EPHB1: variants seen among roughly 807,000 people sequenced by gnomAD.
EPHB1 encodes EPH receptor B1.
A neutral mutation model predicts 94.4 loss-of-function variants in EPHB1; 30 were observed. The ratio of observed to expected loss-of-function variants is 0.32; its 90% confidence interval spans 0.24 to 0.43. The LOEUF (loss-of-function observed/expected upper bound fraction) is 0.43, where lower values mean the gene tolerates loss of function less well. EPHB1 is among the 20% of genes least tolerant of loss of function. The pLI, the probability that EPHB1 is intolerant of heterozygous loss-of-function variation, is 1.00. For synonymous variants in EPHB1, 522 were observed against 489.1 expected (o/e 1.07, Z -0.89); for missense variants, 1,055 against 1,308.3 (o/e 0.81, Z 2.99).
chr3:134,798,535 A>C (rs73227034), intron 1 of EPHB1, among the ~76,000 whole-genome samples: 14,219 of 152,206 alleles, frequency 0.093, 794 homozygotes, highest in Middle Eastern at 0.17. Context: ...GAGAGATGCC[A>C]CTACAAGGAA....
At chr3:134,957,866 G>A (rs1457057977) in intron 3 of EPHB1, among the ~76,000 whole-genome samples, 1 of 152,190 alleles carries the variant, frequency 6.6e-6, no homozygotes, top group African/African-American at 2.4e-5. Context: ...TTTCCAGAAG[G>A]CTCTCAGATC....
chr3:135,090,530 T>C (rs1250033793), intron 3 of EPHB1, among the ~76,000 whole-genome samples: 1 of 152,252 alleles, frequency 6.6e-6, no homozygotes, highest in Non-Finnish European at 1.5e-5. Flanking sequence ...ACTTGCAAAG[T>C]GCTACATCCA....
chr3:135,063,509 G>A (rs1937542314), intron 3 of EPHB1, among the ~76,000 whole-genome samples: 1 of 152,126 alleles, frequency 6.6e-6, no homozygotes, highest in East Asian at 1.9e-4. Context: ...TTGGTGTAGA[G>A]AAGAGCTAAC....
chr3:134,858,149 CCAT>C (rs71139558), intron 1 of EPHB1, among the ~76,000 whole-genome samples: 48,328 of 148,126 alleles, frequency 0.33, 6,636 homozygotes, highest in African/African-American at 0.37. Context: ...TTTTATTGTT[CCAT>C]CATCATCATC....
chr3:135,075,806 G>A (rs965120766), intron 3 of EPHB1, among the ~76,000 whole-genome samples: 3 of 152,188 alleles, frequency 2.0e-5, no homozygotes, highest in Admixed American at 1.3e-4. Context: ...CTCTATGAAG[G>A]AGGAGAGATG....
At chr3:135,097,935 A>G (rs956906018) in intron 3 of EPHB1, among the ~76,000 whole-genome samples, 9 of 152,130 alleles carry the variant, frequency 5.9e-5, no homozygotes, top group African/African-American at 1.9e-4. Context: ...TCTTGGTGCA[A>G]TCTTTTCCCT....
chr3:134,954,891 C>A lies in EPHB1; in HGVS notation c.805+2839C>A, dbSNP rs1459260325. ...GAGACCAATTAGACAGCACAGCCAG[C>A]AAAGAGTGGTCCTGGCCTAGAGCTG... On this transcript the variant is annotated intron_variant, in intron 3 of 15. Coordinates refer to ENST00000398015, the MANE Select transcript of EPHB1 (RefSeq NM_004441.5). Among the ~76,000 whole-genome samples the A allele has an allele frequency of 2.0e-5, 3 of 152,050 alleles. No individual in the cohort carries two copies. The South Asian group carries it at 6.2e-4, about 32-fold the overall frequency.
chr3:135,232,000 T>A (rs1318492124), intron 12 of EPHB1, among the ~76,000 whole-genome samples: 1 of 152,228 alleles, frequency 6.6e-6, no homozygotes, highest in Non-Finnish European at 1.5e-5. Context: ...GAGACTGTTT[T>A]CATGCAAATT....
At chr3:135,053,321 T>A (rs1161091664) in intron 3 of EPHB1, among the ~76,000 whole-genome samples, 1 of 151,970 alleles carries the variant, frequency 6.6e-6, no homozygotes, top group East Asian at 1.9e-4. Context: ...TGTAACATAC[T>A]ATATATTATT....
At chr3:134,817,981 T>A (rs966695207) in intron 1 of EPHB1, among the ~76,000 whole-genome samples, 2 of 152,172 alleles carry the variant, frequency 1.3e-5, no homozygotes, top group Non-Finnish European at 2.9e-5. Context: ...TCCTACCCAC[T>A]CTTCAAACAG....
intron 3 of EPHB1, among the ~76,000 whole-genome samples, chr3:134,985,239 C>T (rs1350435898): frequency 6.6e-6 from 1 of 152,116 alleles, no homozygotes; most frequent in Non-Finnish European, 1.5e-5. Flanking sequence ...CTGCAACCTC[C>T]ACCTCCTGGT....
chr3:134,842,733 T>C (rs1461138883), intron 1 of EPHB1, among the ~76,000 whole-genome samples: 1 of 152,216 alleles, frequency 6.6e-6, no homozygotes, highest in Non-Finnish European at 1.5e-5. Context: ...TCAATTCTCT[T>C]TGCCTGGAGT....
chr3:134,934,686 CGGTATG>C lies in EPHB1; in HGVS notation c.123+8810_123+8815del, dbSNP rs578208667. 2.0e-3 allele frequency among the ~76,000 whole-genome samples: 260 copies of C among 131,160 alleles called. 4 individuals carry two copies. The highest frequency in any genetic ancestry group is 2.9e-4 in the Non-Finnish European group (18 of 63,050). 86.0% of individuals were successfully genotyped at this position (131,160 alleles called of 152,430 possible). A position where few individuals can be genotyped will look rare whatever the true frequency, so the allele number is the denominator to read the frequency against. On this transcript the variant is annotated intron_variant, in intron 2 of 15. Coordinates refer to ENST00000398015, the MANE Select transcript of EPHB1 (RefSeq NM_004441.5). ...TATTGGATATGACTTTGTGTGTGTG[CGGTATG>C]GGTGGGGGAGGGGAGTGGGAGAGAG...
chr3:134,941,969 A>G (rs563755116), intron 2 of EPHB1, among the ~76,000 whole-genome samples: 2 of 152,340 alleles, frequency 1.3e-5, no homozygotes, highest in East Asian at 3.9e-4. Flanking sequence ...AAGCCTGAAC[A>G]AGTACTTTCT....
intron 4 of EPHB1, among the ~76,000 whole-genome samples, chr3:135,114,113 C>G (rs1488279636): frequency 6.6e-6 from 1 of 152,156 alleles, no homozygotes; most frequent in African/African-American, 2.4e-5. Context: ...TTGGGTCTCC[C>G]CTATGTGCAC....
intron 3 of EPHB1, among the ~76,000 whole-genome samples, chr3:135,017,852 T>A (rs1935854657): frequency 6.6e-6 from 1 of 152,204 alleles, no homozygotes; most frequent in African/African-American, 2.4e-5. Flanking sequence ...ATGCAGGGCC[T>A]GAACTGCTGT....
At chr3:134,808,671 C>G (rs1475222498) in intron 1 of EPHB1, among the ~76,000 whole-genome samples, 1 of 152,064 alleles carries the variant, frequency 6.6e-6, no homozygotes, top group East Asian at 1.9e-4. Context: ...GATGGGGAAA[C>G]AGAAAGTGAT....
At position 135,248,595 on chromosome 3, in the gene EPHB1, C is replaced by T. The variant is rs528400656; in HGVS notation, c.2690+86C>T. ...AGCAGCCTCTGACCATGATCATGTT[C>T]GAATTTTTTAAAGAGTATCTAGTTG... On this transcript the variant is annotated intron_variant, in intron 14 of 15. Transcript: ENST00000398015. 62 of 1,377,742 alleles carry T rather than the reference C, an allele frequency of 4.5e-5. No individual in the cohort carries two copies. In the East Asian group the frequency reaches 1.0e-3, roughly 23 times the overall value. 85.3% of individuals were successfully genotyped at this position (1,377,742 alleles called of 1,614,324 possible). A position where few individuals can be genotyped will look rare whatever the true frequency, so the allele number is the denominator to read the frequency against.
At chr3:134,931,711 GTATGTGTGCATA>G (rs2038906073) in intron 2 of EPHB1, among the ~76,000 whole-genome samples, 1 of 152,178 alleles carries the variant, frequency 6.6e-6, no homozygotes, top group Admixed American at 6.5e-5. Flanking sequence ...CCGTGTGTAT[GTATGTGTGCATA>G]TATGTCTCTT....
Sources: gnomAD v4.1 joint callset for allele counts (sites outside exome capture counted in the v4.1 genomes callset) on GRCh38, gnomAD v4.1.1 for gene constraint, MANE v1.5 for transcripts, NCBI Gene and HGNC (gene_info 2026-07-23, HGNC 2026-07-21) for gene names.